Variants in ANKS4B observed in about 807,000 individuals in gnomAD.
The protein encoded by ANKS4B is ankyrin repeat and sterile alpha motif domain containing 4B.
In ANKS4B, 21 loss-of-function variants were observed where a neutral mutation model predicts 20.2. That is an observed-to-expected ratio of 1.04 (90% confidence interval 0.74 to 1.50). ANKS4B has a LOEUF of 1.50. ANKS4B is among the 40% of genes most tolerant of loss of function. The pLI is 0.00. For missense variants in ANKS4B, 473 were observed against 494.6 expected (o/e 0.96, Z 0.41); for synonymous variants, 179 against 194.5 (o/e 0.92, Z 0.66).
Position 21,250,288 on chromosome 16 carries a change from C to T in ANKS4B, c.722C>T (p.Ser241Leu), listed in dbSNP as rs778154762. Residue 241 changes from serine (S) to leucine (L), a missense_variant, in exon 2 of 2, where the codon TCG becomes TTG. Physicochemically the swap from Ser to Leu is moderately radical, Grantham distance 145. Coordinates refer to ENST00000311620, the MANE Select transcript of ANKS4B (RefSeq NM_145865.3). ...GTGTTCAGAGAGGAAGAGGAAGACT[C>T]GTTCTCAGGGGACTTCAAAGAGAAG... ...MEVFREEEED[S>L]FSGDFKEKLQ... 1.2e-5 allele frequency: 19 copies of T among 1,614,030 alleles called. No homozygotes were observed. The highest frequency in any genetic ancestry group is 3.3e-4 in the Middle Eastern group (2 of 6,084).
rs1277438154 is a variant in ANKS4B at position 21,246,800 on chromosome 16, C to T, written c.165-2931C>T. Among the ~76,000 whole-genome samples, 18 of 152,256 alleles carry T rather than the reference C, an allele frequency of 1.2e-4. No individual in the cohort carries two copies. In the East Asian group the frequency reaches 3.3e-3, roughly 28 times the overall value. On this transcript the variant is annotated intron_variant, in intron 1 of 1. Transcript: ENST00000311620. ...TTTATTCCTGCAGTAATGATTCTTG[C>T]CTGCCTTCTCTAAGAGGGAGATTGT...
intron 1 of ANKS4B, among the ~76,000 whole-genome samples, chr16:21,244,921 C>A (rs957588655): frequency 6.6e-6 from 1 of 152,112 alleles, no homozygotes; most frequent in East Asian, 1.9e-4. Context: ...CCCCTTACCC[C>A]CAACTCCACA....
intron 1 of ANKS4B, among the ~76,000 whole-genome samples, chr16:21,241,393 C>A (rs573374208): frequency 6.6e-6 from 1 of 152,038 alleles, no homozygotes; most frequent in East Asian, 1.9e-4. Flanking sequence ...TTAATGACTT[C>A]ATGGTATTCT....
Position 21,250,189 on chromosome 16 carries a change from A to G in ANKS4B, c.623A>G (p.Lys208Arg). ...SKGIKDTFKIKFKKNKDTAEQ... is the reference protein window; with the variant it reads ...SKGIKDTFKIRFKKNKDTAEQ... Reference sequence around the variant, plus strand: ...GGCATTAAAGACACTTTCAAGATCAAGTTCAAGAAGAACAAAGATACAGCA... The same window carrying G: ...GGCATTAAAGACACTTTCAAGATCAGGTTCAAGAAGAACAAAGATACAGCA... Residue 208 changes from lysine (K) to arginine (R), a missense_variant, in exon 2 of 2, where the codon AAG becomes AGG. Coordinates refer to ENST00000311620, the MANE Select transcript of ANKS4B (RefSeq NM_145865.3). 6.2e-7 allele frequency: 1 copy of G among 1,614,182 alleles called. No homozygotes were observed. Among genetic ancestry groups the G allele is most frequent in the Non-Finnish European group, 8.5e-7 (1 of 1,180,030 alleles).
intron 1 of ANKS4B, among the ~76,000 whole-genome samples, chr16:21,239,180 A>G (rs150163757): frequency 6.6e-6 from 1 of 152,322 alleles, no homozygotes; most frequent in African/African-American, 2.4e-5. Context: ...TAGTTCAACC[A>G]TTGTGGAAAG....
rs8057454 is a variant in ANKS4B, at chr16:21,253,120, G to T, written c.*2300G>T. 0.6 allele frequency: 91,199 copies of T among 151,770 alleles called. 30,681 individuals carry two copies. The highest frequency in any genetic ancestry group is 0.91 in the East Asian group (4,717 of 5,188). The allele number at this position is 151,770 out of a possible 1,614,324, so 9.4% of individuals were successfully genotyped here. A position where few individuals can be genotyped will look rare whatever the true frequency, so the allele number is the denominator to read the frequency against. The stretch of plus-strand genomic sequence containing the variant: ...AAATTCAAACTGAAACCCCACTGAA[G>T]AGCTAAGCTTCATTAGATCTCTACA... On this transcript the variant is annotated 3_prime_UTR_variant, in exon 2 of 2. Coordinates refer to ENST00000311620, the MANE Select transcript of ANKS4B (RefSeq NM_145865.3).
At chr16:21,244,222 A>G (rs1177978989) in intron 1 of ANKS4B, among the ~76,000 whole-genome samples, 2 of 152,068 alleles carry the variant, frequency 1.3e-5, no homozygotes, top group Admixed American at 1.3e-4. Context: ...ATGAGAAGAC[A>G]TGGACACAGG....
chr16:21,238,432 A>G (rs897761806), intron 1 of ANKS4B, among the ~76,000 whole-genome samples: 16 of 152,088 alleles, frequency 1.1e-4, no homozygotes, highest in African/African-American at 3.6e-4. Context: ...TTTACAATAC[A>G]CAATTTATAT....
Position 21,250,364 on chromosome 16 carries a change from C to T in ANKS4B, c.798C>T (p.Leu266=), listed in dbSNP as rs17707647. Residue 266 remains leucine (L), a synonymous_variant, in exon 2 of 2, where the codon CTC becomes CTT. Coordinates refer to ENST00000311620, the MANE Select transcript of ANKS4B (RefSeq NM_145865.3). ...EDGSVHHESI[L]NRPGLGSIVF... The stretch of plus-strand genomic sequence containing the variant: ...GCAGTGTGCACCATGAATCCATTCT[C>T]AATCGTCCAGGTCTAGGAAGTATTG... 1 of 1,614,170 alleles carries T rather than the reference C, an allele frequency of 6.2e-7. No homozygotes were observed.
At chr16:21,243,200 G>A (rs1260569522) in intron 1 of ANKS4B, among the ~76,000 whole-genome samples, 1 of 152,146 alleles carries the variant, frequency 6.6e-6, no homozygotes, top group African/African-American at 2.4e-5. Context: ...AGTGACAGTA[G>A]TGCTAAGCCA....
chr16:21,243,365 A>G (rs957895778), intron 1 of ANKS4B, among the ~76,000 whole-genome samples: 5 of 152,230 alleles, frequency 3.3e-5, no homozygotes, highest in Non-Finnish European at 7.3e-5. Context: ...ACCGTAGAGC[A>G]TCAATGTTGA....
intron 1 of ANKS4B, among the ~76,000 whole-genome samples, chr16:21,249,160 G>T (rs898877682): frequency 6.6e-5 from 10 of 152,330 alleles, no homozygotes; most frequent in Non-Finnish European, 1.3e-4. Context: ...TTTGGCTGGA[G>T]AATTTCTTAG....
Position 21,249,760 on chromosome 16 carries a change from G to C in ANKS4B, c.194G>C (p.Gly65Ala). The change falls in exon 2 of 2, where the codon GGA (glycine) becomes GCA (alanine). Residue 65 changes from glycine (G) to alanine (A), a missense_variant. Physicochemically the swap from Gly to Ala is moderately conservative, Grantham distance 60. Coordinates refer to ENST00000311620, the MANE Select transcript of ANKS4B (RefSeq NM_145865.3). ...GGDPDRCDIW[G>A]NTPLHFAASN... ...GACCCTGATAGGTGTGACATCTGGG[G>C]AAACACTCCTCTACATTTTGCAGCC... 1 of 1,613,528 alleles carries C rather than the reference G, an allele frequency of 6.2e-7. No individual in the cohort carries two copies. The highest frequency in any genetic ancestry group is 8.5e-7 in the Non-Finnish European group (1 of 1,179,608).
intron 1 of ANKS4B, among the ~76,000 whole-genome samples, chr16:21,242,787 A>G (rs1276559062): frequency 6.6e-6 from 1 of 152,222 alleles, no homozygotes; most frequent in Non-Finnish European, 1.5e-5. Context: ...TGGGAGGAAC[A>G]TTCCTGCTCA....
chr16:21,246,244 G>T (rs1045052871), intron 1 of ANKS4B, among the ~76,000 whole-genome samples: 8 of 152,152 alleles, frequency 5.3e-5, no homozygotes, highest in African/African-American at 1.9e-4. Context: ...GTCTTGATTG[G>T]TTAGTAACTT....
intron 1 of ANKS4B, among the ~76,000 whole-genome samples, chr16:21,237,017 T>C (rs2093321000): frequency 6.6e-6 from 1 of 152,172 alleles, no homozygotes; most frequent in East Asian, 1.9e-4. Context: ...AAATCTTTGC[T>C]GACATTGTCT....
rs1365694172 is a variant in ANKS4B, at chr16:21,250,462, C to T, written c.896C>T (p.Pro299Leu). 1.2e-6 allele frequency: 2 copies of T among 1,613,968 alleles called. No individual in the cohort carries two copies. The highest frequency in any genetic ancestry group is 2.2e-5 in the East Asian group (1 of 44,864). ...DSKREFGFKL[P>L]SELLQRQGAS... Reference sequence around the variant, plus strand: ...AAGAGAGAGTTTGGTTTTAAACTGCCCAGTGAATTGCTTCAAAGACAAGGA... The same window carrying T: ...AAGAGAGAGTTTGGTTTTAAACTGCTCAGTGAATTGCTTCAAAGACAAGGA... The change falls in exon 2 of 2, where the codon CCC becomes CTC. Residue 299 changes from proline to leucine, a missense_variant. Coordinates refer to ENST00000311620, the MANE Select transcript of ANKS4B (RefSeq NM_145865.3).
chr16:21,248,503 G>A (rs937662999), intron 1 of ANKS4B, among the ~76,000 whole-genome samples: 1 of 151,994 alleles, frequency 6.6e-6, no homozygotes, highest in African/African-American at 2.4e-5. Flanking sequence ...GCTGAGGCGG[G>A]TGGATCACCT....
chr16:21,246,437 G>A (rs2093332379), intron 1 of ANKS4B, among the ~76,000 whole-genome samples: 1 of 152,186 alleles, frequency 6.6e-6, no homozygotes, highest in Admixed American at 6.5e-5. Flanking sequence ...GGAGTTAAGA[G>A]TATAAAGTAT....
Sources: gnomAD v4.1 joint callset for allele counts (sites outside exome capture counted in the v4.1 genomes callset) on GRCh38, gnomAD v4.1.1 for gene constraint, MANE v1.5 for transcripts, NCBI Gene and HGNC (gene_info 2026-07-23, HGNC 2026-07-21) for gene names.